Variants in DPP6 observed in about 807,000 individuals in gnomAD.
The protein encoded by DPP6 is A-type potassium channel modulatory protein DPP6.
A neutral mutation model predicts 122.6 loss-of-function variants in DPP6; 69 were observed. The ratio of observed to expected loss-of-function variants is 0.56; its 90% CI spans 0.46 to 0.69. DPP6 has a LOEUF of 0.69. Among genes scored for constraint, DPP6 ranks in the 30% least tolerant of loss-of-function variants. The pLI is 0.00. For missense variants in DPP6, 928 were observed against 1,116.9 expected (o/e 0.83, Z 2.41); for synonymous variants, 418 against 433.1 (o/e 0.97, Z 0.43).
chr7:154,123,229 G>A (rs1807627193), intron 1 of DPP6, among the ~76,000 whole-genome samples: 1 of 152,116 alleles, frequency 6.6e-6, no homozygotes, highest in Non-Finnish European at 1.5e-5. Context: ...GTAAATAACT[G>A]CCTGAGCCTT....
chr7:154,351,970 C>G (rs1204587891), intron 1 of DPP6, among the ~76,000 whole-genome samples: 2 of 152,118 alleles, frequency 1.3e-5, no homozygotes, highest in African/African-American at 2.4e-5. Context: ...CAGCAGGGCA[C>G]TGGCCGACCA....
intron 3 of DPP6, among the ~76,000 whole-genome samples, chr7:154,494,086 G>T (rs559973649): frequency 6.6e-6 from 1 of 152,280 alleles, no homozygotes; most frequent in East Asian, 1.9e-4. Flanking sequence ...GGATATTGTG[G>T]CTTACACCTG....
At chr7:153,828,087 A>C in the DPP6 span, among the ~76,000 whole-genome samples, 1 of 152,100 alleles carries the variant, frequency 6.6e-6, no homozygotes, top group Non-Finnish European at 1.5e-5. Flanking sequence ...ACCCCACAGC[A>C]GCAAGAAGCC....
chr7:153,828,763 A>C, the DPP6 span, among the ~76,000 whole-genome samples: 553 of 152,292 alleles, frequency 3.6e-3, 2 homozygotes, highest in African/African-American at 0.013. Flanking sequence ...ACTACTTGCA[A>C]ATTTTACTAT....
chr7:154,072,899 G>A (rs1162409393), intron 1 of DPP6, among the ~76,000 whole-genome samples: 3 of 152,380 alleles, frequency 2.0e-5, no homozygotes, highest in East Asian at 3.9e-4. Context: ...CTCTTCCCAC[G>A]GGTATGGTTG....
chr7:154,795,802 G>T (rs66486366), intron 11 of DPP6, 43 bp from the exon 12 acceptor site: 20 of 681,416 alleles, frequency 2.9e-5, no homozygotes, highest in Admixed American at 7.7e-5. Flanking sequence ...AAAAAGAAAA[G>T]AAAAGAAAAA....
intron 1 of DPP6, among the ~76,000 whole-genome samples, chr7:154,074,143 A>ATATAGATATCTATATATATCTCTC (rs1409910255): frequency 4.9e-4 from 20 of 40,562 alleles, no homozygotes; most frequent in African/African-American, 1.9e-3. Context: ...ATATCTCTCT[A>ATATAGATATCTATATATATCTCTC]TATATGTATA....
chr7:154,259,318 C>T (rs755699383), intron 1 of DPP6, among the ~76,000 whole-genome samples: 12 of 152,184 alleles, frequency 7.9e-5, no homozygotes, highest in Non-Finnish European at 1.5e-4. Flanking sequence ...AGTGACTGCA[C>T]CTAGGTCCTC....
At chr7:154,284,490 A>G (rs997870572) in intron 1 of DPP6, among the ~76,000 whole-genome samples, 2 of 152,234 alleles carry the variant, frequency 1.3e-5, no homozygotes, top group Admixed American at 6.5e-5. Flanking sequence ...TATCCGTACA[A>G]TGGAATATTA....
chr7:154,253,712 A>G (rs79341359), intron 1 of DPP6, among the ~76,000 whole-genome samples: 5,657 of 152,312 alleles, frequency 0.037, 290 homozygotes, highest in African/African-American at 0.11. Context: ...AAAAGGAACA[A>G]TATTCCAGAT....
intron 5 of DPP6, among the ~76,000 whole-genome samples, chr7:154,634,096 T>G (rs1169508766): frequency 6.6e-6 from 1 of 151,706 alleles, no homozygotes; most frequent in African/African-American, 2.4e-5. Context: ...TGTGCCATGT[T>G]GGTGTGCTGC....
chr7:153,975,255 TA>T (rs1398766490), intron 1 of DPP6, among the ~76,000 whole-genome samples: 2 of 33,150 alleles, frequency 6.0e-5, no homozygotes, highest in Non-Finnish European at 1.0e-4. Context: ...AAAAAAAAAT[TA>T]TTTCACTTAT....
intron 1 of DPP6, among the ~76,000 whole-genome samples, chr7:154,020,822 C>T (rs1798661989): frequency 6.6e-6 from 1 of 152,020 alleles, no homozygotes; most frequent in Non-Finnish European, 1.5e-5. Flanking sequence ...GCAAGAGAAA[C>T]ATGAGGCATT....
chr7:154,316,327 T>C (rs2879063), intron 1 of DPP6, among the ~76,000 whole-genome samples: 89,017 of 152,066 alleles, frequency 0.59, 26,528 homozygotes, highest in South Asian at 0.67. Flanking sequence ...CTTGCTGTGA[T>C]TCATCTCCAT....
At chr7:154,519,217 C>T (rs1202648567) in intron 3 of DPP6, among the ~76,000 whole-genome samples, 1 of 152,036 alleles carries the variant, frequency 6.6e-6, no homozygotes, top group Non-Finnish European at 1.5e-5. Flanking sequence ...AGTCATAAGA[C>T]ACAGTGAATG....
chr7:154,528,883 G>T (rs1827625469), intron 3 of DPP6, among the ~76,000 whole-genome samples: 1 of 152,194 alleles, frequency 6.6e-6, no homozygotes, highest in South Asian at 2.1e-4. Context: ...GTGTGAGGGA[G>T]TGCAGAGGAT....
chr7:154,681,330 A>G (rs1045240569), intron 7 of DPP6, among the ~76,000 whole-genome samples: 1 of 152,230 alleles, frequency 6.6e-6, no homozygotes, highest in Non-Finnish European at 1.5e-5. Flanking sequence ...CCTCGGCAAT[A>G]TTAGGTTAGA....
intron 2 of DPP6, among the ~76,000 whole-genome samples, chr7:154,449,819 A>G (rs1820199232): frequency 6.6e-6 from 1 of 151,948 alleles, no homozygotes; most frequent in African/African-American, 2.4e-5. Context: ...CATACTGGCT[A>G]ACACATTGAA....
At chr7:154,389,485 T>C (rs1268207532) in intron 1 of DPP6, among the ~76,000 whole-genome samples, 1 of 152,206 alleles carries the variant, frequency 6.6e-6, no homozygotes, top group Non-Finnish European at 1.5e-5. Flanking sequence ...AATCAGTGTC[T>C]TGATAATTTT....
Sources: gnomAD v4.1 joint callset for allele counts (sites outside exome capture counted in the v4.1 genomes callset) on GRCh38, gnomAD v4.1.1 for gene constraint, MANE v1.5 for transcripts, NCBI Gene and HGNC (gene_info 2026-07-23, HGNC 2026-07-21) for gene names.